The following ANO10 variants were observed in gnomAD, a reference collection of about 807,000 sequenced individuals.
ANO10 encodes anoctamin 10, also known as anoctamin-10.
Under a neutral mutation model 74.7 loss-of-function variants are expected in ANO10, and 77 were observed. The observed-to-expected ratio is 1.03, with a 90% CI of 0.86 to 1.25. The LOEUF (loss-of-function observed/expected upper bound fraction) is 1.25, where lower values mean the gene tolerates loss of function less well. ANO10 is among the 50% of genes most tolerant of loss of function. ANO10 has a pLI of 0.00. For synonymous variants in ANO10, 279 were observed against 284.9 expected, an observed-to-expected ratio of 0.98 and a Z score of 0.21; for missense variants, 721 against 778.1, an observed-to-expected ratio of 0.93 and a Z score of 0.87.
chr3:43,434,940 C>CA, intron 11 of ANO10, among the ~76,000 whole-genome samples: 1 of 152,186 alleles, frequency 6.6e-6, no homozygotes, highest in Non-Finnish European at 1.5e-5. Flanking sequence ...GTTTATTTTC[C>CA]AAAAAATATA....
At chr3:43,625,408 T>A (rs1457858423), upstream of ANO10, among the ~76,000 whole-genome samples, 1 of 152,234 alleles carries the variant, frequency 6.6e-6, no homozygotes, top group Non-Finnish European at 1.5e-5. Context: ...TTGAGTTCCC[T>A]GCCATCATGA....
chr3:43,528,480 T>C (rs920354932), intron 11 of ANO10, among the ~76,000 whole-genome samples: 5 of 151,588 alleles, frequency 3.3e-5, no homozygotes, highest in Non-Finnish European at 7.4e-5. Context: ...ATGGAAGATA[T>C]GAAATGAAAG....
intron 11 of ANO10, among the ~76,000 whole-genome samples, chr3:43,513,088 T>A (rs946432377): frequency 6.6e-6 from 1 of 152,106 alleles, no homozygotes; most frequent in African/African-American, 2.4e-5. Context: ...CTCCCTCAAG[T>A]TTTCAGTAGA....
At chr3:43,503,767 T>A (rs1440014638) in intron 11 of ANO10, among the ~76,000 whole-genome samples, 2 of 152,234 alleles carry the variant, frequency 1.3e-5, no homozygotes, top group Non-Finnish European at 2.9e-5. Context: ...AAGATTTGTT[T>A]GAATTTCTCA....
chr3:43,658,318 A>C (rs2083880271), intron 1 of ANO10, among the ~76,000 whole-genome samples: 1 of 152,194 alleles, frequency 6.6e-6, no homozygotes. Context: ...ATCATCGAAG[A>C]ATAAGCATTA....
chr3:43,377,520 A>G (rs1027681193), intron 12 of ANO10, among the ~76,000 whole-genome samples: 1 of 152,202 alleles, frequency 6.6e-6, no homozygotes, highest in Non-Finnish European at 1.5e-5. Context: ...TTCTTTCACA[A>G]GCCAGAGAAC....
At chr3:43,379,315 TA>T (rs1575606417) in intron 12 of ANO10, among the ~76,000 whole-genome samples, 1 of 152,314 alleles carries the variant, frequency 6.6e-6, no homozygotes, top group Non-Finnish European at 1.5e-5. Context: ...TGTTTTTTAT[TA>T]AAAATATTGA....
At chr3:43,587,185 C>T (rs538410229) in intron 4 of ANO10, among the ~76,000 whole-genome samples, 4 of 152,154 alleles carry the variant, frequency 2.6e-5, no homozygotes, top group Non-Finnish European at 5.9e-5. Flanking sequence ...AGAGTGCCTA[C>T]ATTCAAACTT....
intron 12 of ANO10, among the ~76,000 whole-genome samples, chr3:43,411,477 G>C (rs1404328493): frequency 6.6e-6 from 1 of 152,190 alleles, no homozygotes; most frequent in African/African-American, 2.4e-5. Flanking sequence ...TAATCCTTCA[G>C]AAGCCCAAGA....
intron 11 of ANO10, among the ~76,000 whole-genome samples, chr3:43,447,643 G>A (rs1199954160): frequency 2.6e-5 from 4 of 152,066 alleles, no homozygotes; most frequent in Non-Finnish European, 5.9e-5. Flanking sequence ...GCTTAAATTG[G>A]ATCTATATAT....
intron 2 of ANO10, among the ~76,000 whole-genome samples, chr3:43,602,342 A>ATTT: frequency 6.6e-6 from 1 of 151,908 alleles, no homozygotes; most frequent in Non-Finnish European, 1.5e-5. Flanking sequence ...TTAATTAATT[A>ATTT]ATTTATTTAT....
chr3:43,521,394 T>C (rs1005880722), intron 11 of ANO10, among the ~76,000 whole-genome samples: 1 of 152,208 alleles, frequency 6.6e-6, no homozygotes, highest in African/African-American at 2.4e-5. Flanking sequence ...GTTTGAGAGC[T>C]GAGTCTGGCC....
intron 11 of ANO10, among the ~76,000 whole-genome samples, chr3:43,458,747 C>T (rs1302603054): frequency 6.6e-6 from 1 of 152,142 alleles, no homozygotes; most frequent in Non-Finnish European, 1.5e-5. Flanking sequence ...CCTATCAACT[C>T]GTGATCTAGG....
At chr3:43,415,080 T>G (rs2092718777) in intron 12 of ANO10, among the ~76,000 whole-genome samples, 1 of 149,060 alleles carries the variant, frequency 6.7e-6, no homozygotes, top group Admixed American at 6.9e-5. Flanking sequence ...GTTCAAGAGA[T>G]TCTCGTTCCT....
intron 1 of ANO10, among the ~76,000 whole-genome samples, chr3:43,650,479 AAACTAAG>A: frequency 6.6e-6 from 1 of 152,212 alleles, no homozygotes; most frequent in South Asian, 2.1e-4. Flanking sequence ...ACAGGAAATA[AAACTAAG>A]AAATAACATG....
chr3:43,652,784 T>C (rs2083802488), intron 1 of ANO10, among the ~76,000 whole-genome samples: 1 of 151,992 alleles, frequency 6.6e-6, no homozygotes, highest in African/African-American at 2.4e-5. Context: ...AAACATAATT[T>C]ATATACTTGA....
chr3:43,476,784 A>T (rs1484427346), intron 11 of ANO10, among the ~76,000 whole-genome samples: 1 of 152,224 alleles, frequency 6.6e-6, no homozygotes, highest in Admixed American at 6.5e-5. Context: ...CCTAAGAGTA[A>T]CTGCTCAAAG....
chr3:43,615,148 C>T (rs1338599900), intron 1 of ANO10, among the ~76,000 whole-genome samples: 1 of 152,064 alleles, frequency 6.6e-6, no homozygotes, highest in Non-Finnish European at 1.5e-5. Context: ...TGCAAATGTA[C>T]ACTGTAGCCC....
chr3:43,678,544 T>C (rs966165166), intron 1 of ANO10, among the ~76,000 whole-genome samples: 1 of 152,172 alleles, frequency 6.6e-6, no homozygotes, highest in African/African-American at 2.4e-5. Flanking sequence ...TGATTACCGG[T>C]GCATGCAGCC....
Sources: gnomAD v4.1 joint callset for allele counts (sites outside exome capture counted in the v4.1 genomes callset) on GRCh38, gnomAD v4.1.1 for gene constraint, MANE v1.5 for transcripts, NCBI Gene and HGNC (gene_info 2026-07-23, HGNC 2026-07-21) for gene names.